The following CDH8 variants were observed in gnomAD, a reference collection of about 807,000 sequenced individuals.
CDH8 encodes cadherin 8.
In CDH8, 17 loss-of-function variants were observed where a neutral mutation model predicts 68.1. The observed-to-expected ratio is 0.25, with a 90% confidence interval of 0.17 to 0.37. The LOEUF is 0.37. CDH8 is among the 10% of genes least tolerant of loss of function. The probability of loss-of-function intolerance (pLI) is 1.00; values close to 1 mark genes in which losing one functional copy is unlikely to be tolerated. For missense variants in CDH8, 763 were observed against 999.3 expected (o/e 0.76, Z 3.19); for synonymous variants, 372 against 365.1 (o/e 1.02, Z -0.21).
intron 10 of CDH8, among the ~76,000 whole-genome samples, chr16:61,705,924 T>C (rs892763147): frequency 1.3e-5 from 2 of 152,178 alleles, no homozygotes; most frequent in African/African-American, 4.8e-5. Context: ...AAAACAAAAA[T>C]ATACTGTATA....
At chr16:61,927,626 T>G (rs1467434544) in intron 2 of CDH8, among the ~76,000 whole-genome samples, 1 of 152,176 alleles carries the variant, frequency 6.6e-6, no homozygotes, top group Non-Finnish European at 1.5e-5. Context: ...AGGCTTTCTG[T>G]GTTATTCAAA....
At chr16:61,929,242 T>C (rs1964503221) in intron 2 of CDH8, among the ~76,000 whole-genome samples, 2 of 152,172 alleles carry the variant, frequency 1.3e-5, no homozygotes, top group Admixed American at 1.3e-4. Context: ...TAAACTCCTG[T>C]GTTATGTATT....
At chr16:61,938,089 G>A (rs1236680605) in intron 2 of CDH8, 2 of 152,082 alleles carry the variant, frequency 1.3e-5, no homozygotes, top group African/African-American at 4.8e-5. Context: ...ACTTCATGTT[G>A]AGTCATCAGG....
intron 2 of CDH8, among the ~76,000 whole-genome samples, chr16:61,988,950 G>A (rs566183024): frequency 6.6e-6 from 1 of 152,134 alleles, no homozygotes; most frequent in Non-Finnish European, 1.5e-5. Context: ...AAAGGAACTG[G>A]CTTTTTTGGC....
At chr16:61,662,553 G>A (rs1963589633) in intron 10 of CDH8, among the ~76,000 whole-genome samples, 2 of 151,672 alleles carry the variant, frequency 1.3e-5, no homozygotes, top group African/African-American at 2.4e-5. Flanking sequence ...AGGATATGCT[G>A]ACAAGATCAA....
chr16:61,907,644 ACTC>A (rs1008046141), intron 2 of CDH8, among the ~76,000 whole-genome samples: 1 of 151,564 alleles, frequency 6.6e-6, no homozygotes, highest in African/African-American at 2.4e-5. Flanking sequence ...GCACCACTGC[ACTC>A]CAACCTAGCT....
intron 4 of CDH8, among the ~76,000 whole-genome samples, chr16:61,852,895 A>T (rs149641389): frequency 0.018 from 667 of 37,108 alleles, 4 homozygotes; most frequent in African/African-American, 0.089. Context: ...CCTTCCTTCC[A>T]TTCTTCCTTC....
chr16:61,926,214 GA>G (rs1052649228), intron 2 of CDH8, among the ~76,000 whole-genome samples: 1 of 150,756 alleles, frequency 6.6e-6, no homozygotes, highest in African/African-American at 2.4e-5. Flanking sequence ...TTACAAGTGG[GA>G]AAATAAAATC....
intron 9 of CDH8, among the ~76,000 whole-genome samples, chr16:61,715,001 T>C (rs4784155): frequency 0.032 from 4,843 of 151,704 alleles, 357 homozygotes; most frequent in East Asian, 0.24. Context: ...CACTCAAGTG[T>C]AAGAAGCACA....
intron 10 of CDH8, among the ~76,000 whole-genome samples, chr16:61,681,598 G>C (rs941718838): frequency 6.6e-6 from 1 of 151,580 alleles, no homozygotes; most frequent in Non-Finnish European, 1.5e-5. Flanking sequence ...AGATTACATG[G>C]TGCTGATGGT....
At chr16:61,945,437 TAAA>T (rs59806534) in intron 2 of CDH8, among the ~76,000 whole-genome samples, 4 of 120,438 alleles carry the variant, frequency 3.3e-5, no homozygotes, top group Non-Finnish European at 5.1e-5. Context: ...GATGCATGAT[TAAA>T]AAAAAAAAAA....
Position 62,023,652 on chromosome 16 carries a change from T to A in CDH8, c.-199-2050A>T, listed in dbSNP as rs140773820. Among the ~76,000 whole-genome samples the A allele has an allele frequency of 1.6e-4, 24 of 152,158 alleles. No individual in the cohort carries two copies. The East Asian group carries it at 4.6e-3, about 29-fold the overall frequency. The stretch of plus-strand genomic sequence containing the variant: ...GAGTGAAGCTATGTAACTTCTGCAG[T>A]AAAAGTTGGTAAGGTATGAGGGTGT... On this transcript the variant is annotated intron_variant, in intron 1 of 11. Transcript: ENST00000577390.
intron 2 of CDH8, among the ~76,000 whole-genome samples, chr16:61,910,089 T>G (rs1485808150): frequency 1.3e-5 from 2 of 152,154 alleles, no homozygotes; most frequent in Admixed American, 1.3e-4. Context: ...ATACTTATTA[T>G]GATGAGCAAA....
intron 10 of CDH8, among the ~76,000 whole-genome samples, chr16:61,707,636 A>G (rs1964558070): frequency 6.6e-6 from 1 of 152,216 alleles, no homozygotes; most frequent in Non-Finnish European, 1.5e-5. Flanking sequence ...AGGTCACATT[A>G]GCAGATGGAA....
chr16:61,706,270 A>C (rs1964528993), intron 10 of CDH8, among the ~76,000 whole-genome samples: 1 of 152,306 alleles, frequency 6.6e-6, no homozygotes, highest in South Asian at 2.1e-4. Context: ...TAAATAGAAG[A>C]GGGATAAAGC....
At chr16:62,022,436 T>G (rs1196384027) in intron 1 of CDH8, among the ~76,000 whole-genome samples, 1 of 152,118 alleles carries the variant, frequency 6.6e-6, no homozygotes. Flanking sequence ...AAATGTAATG[T>G]TCAACTGAAG....
At chr16:61,774,962 G>A (rs974760932) in intron 8 of CDH8, among the ~76,000 whole-genome samples, 3 of 152,158 alleles carry the variant, frequency 2.0e-5, no homozygotes, top group African/African-American at 7.2e-5. Context: ...TGCAGCAGAA[G>A]TTGTTCTAAG....
At chr16:61,849,097 A>G (rs1056339170) in intron 4 of CDH8, among the ~76,000 whole-genome samples, 1 of 152,112 alleles carries the variant, frequency 6.6e-6, no homozygotes, top group Non-Finnish European at 1.5e-5. Flanking sequence ...TTGTTGTAAT[A>G]TTGATTCTTC....
intron 2 of CDH8, among the ~76,000 whole-genome samples, chr16:61,945,399 C>T (rs1157847001): frequency 6.8e-6 from 1 of 147,534 alleles, no homozygotes; most frequent in Non-Finnish European, 1.5e-5. Context: ...ATCAGTCCTG[C>T]CAAAAGGCCA....
Sources: allele counts gnomAD v4.1 joint callset (sites outside exome capture counted in the v4.1 genomes callset), GRCh38; gene constraint gnomAD v4.1.1; transcripts MANE v1.5; gene names NCBI Gene and HGNC (gene_info 2026-07-23, HGNC 2026-07-21).